Variants in ARID3A observed in about 807,000 individuals in gnomAD.
ARID3A encodes the protein AT-rich interaction domain 3A, also known as AT-rich interactive domain-containing protein 3A.
A neutral mutation model predicts 52.7 loss-of-function variants in ARID3A; 11 were observed. The observed-to-expected ratio is 0.21, with a 90% CI of 0.13 to 0.35. The LOEUF is 0.35. ARID3A is among the 10% of genes least tolerant of loss of function. The pLI is 1.00. For synonymous variants in ARID3A, 404 were observed against 359.4 expected (o/e 1.12, Z -1.40); for missense variants, 721 against 838.5 (o/e 0.86, Z 1.73).
Position 973,455 on chromosome 19 carries a change from A to C in ARID3A, c.*1390A>C, listed in dbSNP as rs2038323573. 4.8e-6 allele frequency: 1 copy of C among 207,054 alleles called. No homozygotes were observed. The highest frequency in any genetic ancestry group is 9.9e-6 in the Non-Finnish European group (1 of 101,348). 12.8% of individuals were successfully genotyped at this position (207,054 alleles called of 1,614,324 possible). The stretch of plus-strand genomic sequence containing the variant: ...CTAAAAAGTAGCAAGTGCTGGAAAA[A>C]GGGCCTGGGGGGCGGGGGTGGTTCT... On this transcript the variant is annotated 3_prime_UTR_variant, in exon 9 of 9. Coordinates refer to ENST00000263620, the MANE Select transcript of ARID3A (RefSeq NM_005224.3).
Position 947,168 on chromosome 19 carries a change from G to T in ARID3A, c.694-12924G>T, listed in dbSNP as rs1216350032. Among the ~76,000 whole-genome samples the T allele has an allele frequency of 6.6e-6, 1 of 152,130 alleles. No individual in the cohort carries two copies. The highest frequency in any genetic ancestry group is 2.4e-5 in the African/African-American group (1 of 41,402). On this transcript the variant is annotated intron_variant, in intron 3 of 8. Transcript: ENST00000263620. This position sits in a 1 kb window ranked among gnomAD's most constrained non-coding sequence, Gnocchi z 6.3. ...GGGCACCGTGGGGTGGGGTGTGTCT[G>T]TGTGTGGCCTGGGGCACCCCCTGCC...
intron 8 of ARID3A, 107 bp from the exon 9 acceptor site, chr19:971,771 A>G (rs956509605): frequency 2.2e-6 from 3 of 1,375,282 alleles, no homozygotes; most frequent in African/African-American, 3.0e-5. Context: ...TGGGGGACAG[A>G]GTGAGAGAGA....
At chr19:967,198 C>T (rs2038177997) in intron 7 of ARID3A, among the ~76,000 whole-genome samples, 1 of 151,782 alleles carries the variant, frequency 6.6e-6, no homozygotes, top group African/African-American at 2.4e-5. Flanking sequence ...ATGGAGGTTG[C>T]AGTGACCCGA....
At position 929,515 on chromosome 19, in the gene ARID3A, C is replaced by T. The variant is rs745693113; in HGVS notation, c.-14C>T. On this transcript the variant is annotated 5_prime_UTR_variant, in exon 2 of 9. Transcript: ENST00000263620. The surrounding 1 kb of genome is among the most constrained non-coding windows in gnomAD (Gnocchi z 6.2). ...GGTGGTGGTGGTGGTGGTGGTGGCC[C>T]GGGCCGCAGGGCCATGAAACTACAG... 6 of 1,501,180 alleles carry T rather than the reference C, an allele frequency of 4.0e-6. No individual in the cohort carries two copies. Among genetic ancestry groups the T allele is most frequent in the Middle Eastern group, 4.7e-4 (2 of 4,242 alleles). 93.0% of individuals were successfully genotyped at this position (1,501,180 alleles called of 1,614,324 possible). A position where few individuals can be genotyped will look rare whatever the true frequency, so the allele number is the denominator to read the frequency against.
intron 1 of ARID3A, among the ~76,000 whole-genome samples, chr19:926,300 G>T (rs2037195953): frequency 6.6e-6 from 1 of 151,840 alleles, no homozygotes; most frequent in Admixed American, 6.5e-5. Context: ...AAAGTTGGGC[G>T]GAGATGTTGG....
intron 3 of ARID3A, among the ~76,000 whole-genome samples, chr19:950,326 C>T (rs1313633234): frequency 1.8e-5 from 1 of 55,048 alleles, no homozygotes; most frequent in East Asian, 5.0e-4. Flanking sequence ...CCAGAGGGAA[C>T]GGATGGATGA....
In ARID3A at chr19:971,971, G is replaced by T. The variant is rs1286285525; in HGVS notation, c.1688G>T (p.Gly563Val). The change falls in exon 9 of 9, where the codon GGC becomes GTC. Residue 563 changes from glycine to valine, a missense_variant. Coordinates refer to ENST00000263620, the MANE Select transcript of ARID3A (RefSeq NM_005224.3). ...GGCGGCAGCAGCAGCAACGCAGGCG[G>T]CCGGGGAGGAAACACCGGAACCAGC... The part of the protein sequence containing the change: ...GGGGSSSNAG[G>V]RGGNTGTSGG... The T allele has an allele frequency of 6.2e-7, 1 of 1,602,624 alleles. No homozygotes were observed. Among genetic ancestry groups the T allele is most frequent in the East Asian group, 2.3e-5 (1 of 43,328 alleles).
At chr19:945,239 C>A (rs1214509653) in intron 3 of ARID3A, among the ~76,000 whole-genome samples, 1 of 152,256 alleles carries the variant, frequency 6.6e-6, no homozygotes, top group East Asian at 1.9e-4. Flanking sequence ...TGACCTCCTC[C>A]TCTCGGCCTC....
At position 964,778 on chromosome 19, in the gene ARID3A, A is replaced by G. The variant is rs961431252; in HGVS notation, c.951-55A>G. The G allele has an allele frequency of 6.3e-7, 1 of 1,576,910 alleles. No individual in the cohort carries two copies. The highest frequency in any genetic ancestry group is 1.3e-5 in the African/African-American group (1 of 74,216). On this transcript the variant is annotated intron_variant, in intron 5 of 8. Coordinates refer to ENST00000263620, the MANE Select transcript of ARID3A (RefSeq NM_005224.3). This position sits in a 1 kb window ranked among gnomAD's most constrained non-coding sequence, Gnocchi z 5.7. ...GGGGTTTACTTTGTACTGAAGGCCA[A>G]AGAGAGCCGTAGGGGTGACCCGGGT...
At chr19:965,106 CGT>C (rs1442820285) in intron 6 of ARID3A, 26 bp downstream of exon 6, 9 of 1,575,192 alleles carry the variant, frequency 5.7e-6, no homozygotes, top group Non-Finnish European at 7.8e-6. Flanking sequence ...GGGCCTGGGG[CGT>C]GTTCCCAACT....
rs755567076 is a variant in ARID3A at position 933,503 on chromosome 19, TGGG to T, written c.693+765_693+767del. Among the ~76,000 whole-genome samples the T allele has an allele frequency of 7.9e-5, 12 of 152,204 alleles. No homozygotes were observed. The East Asian group carries it at 1.2e-3, about 15-fold the overall frequency. Reference sequence around the variant, plus strand: ...CTCTGCCTCGACCTCTGGGCGCGGCTGGGGGGAGCCACCTCCTCGCCCGGGGCT... The same window carrying T: ...CTCTGCCTCGACCTCTGGGCGCGGCTGGGAGCCACCTCCTCGCCCGGGGCT... On this transcript the variant is annotated intron_variant, in intron 3 of 8. Transcript: ENST00000263620.
rs1280360635 is a variant in ARID3A at position 938,527 on chromosome 19, G to GGT, written c.693+5791_693+5792dup. Reference sequence around the variant, plus strand: ...ATGCACCTGCCAGAGAGGACCCAGCGGTGTGTGGATGGATGGCCCAGGGAG... The same window carrying GGT: ...ATGCACCTGCCAGAGAGGACCCAGCGGTGTGTGTGGATGGATGGCCCAGGGAG... On this transcript the variant is annotated intron_variant, in intron 3 of 8. Coordinates refer to ENST00000263620, the MANE Select transcript of ARID3A (RefSeq NM_005224.3). This position sits in a 1 kb window ranked among gnomAD's most constrained non-coding sequence, Gnocchi z 4.0. 5.3e-5 allele frequency among the ~76,000 whole-genome samples: 8 copies of GGT among 152,332 alleles called. No individual in the cohort carries two copies. In the East Asian group the frequency reaches 1.5e-3, roughly 29 times the overall value.
rs921425937 is a variant in ARID3A, at chr19:947,140, G to A, written c.694-12952G>A. Among the ~76,000 whole-genome samples the A allele has an allele frequency of 2.6e-5, 4 of 152,140 alleles. No homozygotes were observed. Among genetic ancestry groups the A allele is most frequent in the Non-Finnish European group, 5.9e-5 (4 of 68,014 alleles). On this transcript the variant is annotated intron_variant, in intron 3 of 8. Transcript: ENST00000263620. The surrounding 1 kb of genome is among the most constrained non-coding windows in gnomAD (Gnocchi z 6.3). ...AAATGTTTGCTGGGTGCCCCCCATTGCTGGGCACCGTGGGGTGGGGTGTGT... is the reference window on the plus strand; with the variant it reads ...AAATGTTTGCTGGGTGCCCCCCATTACTGGGCACCGTGGGGTGGGGTGTGT...
rs1451136229 is a variant in ARID3A, at chr19:942,004, C to T, written c.693+9262C>T. Reference sequence around the variant, plus strand: ...GCGGTGGGGCCTATTAACCATTAGACCCCCGGGGCTGCTAGAGAGTGGCGC... The same window carrying T: ...GCGGTGGGGCCTATTAACCATTAGATCCCCGGGGCTGCTAGAGAGTGGCGC... On this transcript the variant is annotated intron_variant, in intron 3 of 8. Transcript: ENST00000263620. The surrounding 1 kb of genome is among the most constrained non-coding windows in gnomAD (Gnocchi z 8.1). Among the ~76,000 whole-genome samples, 4 of 152,136 alleles carry T rather than the reference C, an allele frequency of 2.6e-5. No individual in the cohort carries two copies. Among genetic ancestry groups the T allele is most frequent in the African/African-American group, 9.7e-5 (4 of 41,422 alleles).
At chr19:932,080 C>G (rs959590273) in intron 2 of ARID3A, among the ~76,000 whole-genome samples, 3 of 152,182 alleles carry the variant, frequency 2.0e-5, no homozygotes, top group African/African-American at 7.2e-5. Flanking sequence ...ACTACAGCCT[C>G]CATCTCCTGG....
In ARID3A at chr19:964,812, C is replaced by T. The variant is rs777407448; in HGVS notation, c.951-21C>T. Reference sequence around the variant, plus strand: ...GTAGGGGTGACCCGGGTGCCATCCTCTTCCCTCGTCCCACCCACAGATACA... The same window carrying T: ...GTAGGGGTGACCCGGGTGCCATCCTTTTCCCTCGTCCCACCCACAGATACA... On this transcript the variant is annotated intron_variant, in intron 5 of 8. Transcript: ENST00000263620. The surrounding 1 kb of genome is among the most constrained non-coding windows in gnomAD (Gnocchi z 5.7). 1.2e-6 allele frequency: 2 copies of T among 1,605,934 alleles called. No homozygotes were observed. Among genetic ancestry groups the T allele is most frequent in the Non-Finnish European group, 1.7e-6 (2 of 1,173,738 alleles).
At chr19:940,260 A>G (rs2037519822) in intron 3 of ARID3A, among the ~76,000 whole-genome samples, 1 of 152,332 alleles carries the variant, frequency 6.6e-6, no homozygotes, top group Admixed American at 6.5e-5. Context: ...CTTGGACCAC[A>G]TGTAAAATAC....
rs766403345 is a variant in ARID3A at position 971,825 on chromosome 19, G to A, written c.1595-53G>A. 22 of 1,540,384 alleles carry A rather than the reference G, an allele frequency of 1.4e-5. No homozygotes were observed. The East Asian group carries it at 3.8e-4, about 27-fold the overall frequency. On this transcript the variant is annotated intron_variant, in intron 8 of 8. Coordinates refer to ENST00000263620, the MANE Select transcript of ARID3A (RefSeq NM_005224.3). Reference sequence around the variant, plus strand: ...CCCCATTGGGTCTCCCTTGTGGCCCGCCTCGCATCTTCTTAAACTCTGCAT... The same window carrying A: ...CCCCATTGGGTCTCCCTTGTGGCCCACCTCGCATCTTCTTAAACTCTGCAT...
At chr19:934,402 T>C (rs899713098) in intron 3 of ARID3A, among the ~76,000 whole-genome samples, 1 of 152,224 alleles carries the variant, frequency 6.6e-6, no homozygotes, top group Non-Finnish European at 1.5e-5. Flanking sequence ...CAGCATGTCC[T>C]GAGCGAAGGC....
Sources: allele counts gnomAD v4.1 joint callset (sites outside exome capture counted in the v4.1 genomes callset), GRCh38; gene constraint gnomAD v4.1.1; non-coding constraint Gnocchi (gnomAD v3.1); transcripts MANE v1.5; gene names NCBI Gene and HGNC (gene_info 2026-07-23, HGNC 2026-07-21).